The following ENPP3 variants were observed in gnomAD, a reference collection of about 807,000 sequenced individuals.
ENPP3 encodes ectonucleotide pyrophosphatase/phosphodiesterase 3, also known as ectonucleotide pyrophosphatase/phosphodiesterase family member 3.
ENPP3 carries 104 observed loss-of-function variants against 117.8 expected under a neutral mutation model. The ratio of observed to expected loss-of-function variants is 0.88; its 90% CI spans 0.75 to 1.04. The LOEUF (loss-of-function observed/expected upper bound fraction) is 1.04. Ranked by LOEUF, ENPP3 falls within the 50% of genes least tolerant of loss-of-function variation. The probability of loss-of-function intolerance (pLI) is 0.00; values close to 1 mark genes in which losing one functional copy is unlikely to be tolerated. For missense variants in ENPP3, 1,026 were observed against 1,051.9 expected (o/e 0.98, Z 0.34); for synonymous variants, 380 against 349.9 (o/e 1.09, Z -0.96).
At chr6:131,679,033 CTTTCTTTCTTTCT>C (rs1256942867) in intron 11 of ENPP3, among the ~76,000 whole-genome samples, 41 of 99,382 alleles carry the variant, frequency 4.1e-4, no homozygotes, top group Middle Eastern at 4.4e-3. Context: ...TTCCTTCTTT[CTTTCTTTCTTTCT>C]TTCTTTCTTT....
chr6:131,737,029 TC>T (rs2114569200), intron 21 of ENPP3, among the ~76,000 whole-genome samples: 1 of 152,290 alleles, frequency 6.6e-6, no homozygotes, highest in Non-Finnish European at 1.5e-5. Context: ...AAGACACTAG[TC>T]ACTGGATTTA....
intron 20 of ENPP3, among the ~76,000 whole-genome samples, chr6:131,726,895 A>G (rs1780166488): frequency 1.3e-5 from 2 of 152,210 alleles, no homozygotes; most frequent in African/African-American, 4.8e-5. Flanking sequence ...TTTCTGGTGG[A>G]TTTGTAGACC....
chr6:131,678,017 C>A (rs1207281790), intron 11 of ENPP3, 77 bp downstream of exon 11: 2 of 819,240 alleles, frequency 2.4e-6, no homozygotes, highest in Admixed American at 2.2e-5. Flanking sequence ...AGATAGTATT[C>A]TTTAACTTCT....
At chr6:131,745,352 C>G (rs544214510) in intron 24 of ENPP3, among the ~76,000 whole-genome samples, 2 of 152,034 alleles carry the variant, frequency 1.3e-5, no homozygotes, top group African/African-American at 2.4e-5. Context: ...TCTTACTCTT[C>G]CTCTGGCTCA....
intron 6 of ENPP3, among the ~76,000 whole-genome samples, chr6:131,665,714 C>G (rs1399024574): frequency 2.0e-5 from 3 of 151,922 alleles, no homozygotes; most frequent in African/African-American, 7.2e-5. Flanking sequence ...TATTGTTTCT[C>G]CATTCTCTAT....
chr6:131,722,929 G>A (rs1251042243), intron 18 of ENPP3, among the ~76,000 whole-genome samples: 1 of 152,170 alleles, frequency 6.6e-6, no homozygotes, highest in Admixed American at 6.5e-5. Context: ...GAGTTCAAGA[G>A]CAGGACTTCA....
chr6:131,678,945 CTTTCTTTCTTTCT>C lies in ENPP3; in HGVS notation c.1011+1008_1011+1020del, dbSNP rs1562446542. ...TCTTTCTTTCTTTCTTTCTTTCTTT[CTTTCTTTCTTTCT>C]TTCCTTCCTTCCTTCCTTCCTTCCT... On this transcript the variant is annotated intron_variant, in intron 11 of 24. Transcript: ENST00000357639. Among the ~76,000 whole-genome samples, 14 of 98,636 alleles carry C rather than the reference CTTTCTTTCTTTCT, an allele frequency of 1.4e-4. 1 individual carries two copies. Among genetic ancestry groups the C allele is most frequent in the Admixed American group, 6.4e-4 (6 of 9,392 alleles). 64.7% of individuals were successfully genotyped at this position (98,636 alleles called of 152,430 possible).
At chr6:131,743,019 T>G (rs1464027509) in intron 24 of ENPP3, among the ~76,000 whole-genome samples, 1 of 152,208 alleles carries the variant, frequency 6.6e-6, no homozygotes, top group Non-Finnish European at 1.5e-5. Flanking sequence ...GTATAGATAA[T>G]TATTAGACAA....
At chr6:131,646,250 C>T in intron 2 of ENPP3, among the ~76,000 whole-genome samples, 1 of 150,358 alleles carries the variant, frequency 6.7e-6, no homozygotes, top group East Asian at 1.9e-4. Context: ...AGTATCTTCT[C>T]TCTTTTCTGA....
intron 2 of ENPP3, among the ~76,000 whole-genome samples, chr6:131,644,244 T>G (rs1778112055): frequency 1.3e-5 from 2 of 152,298 alleles, no homozygotes; most frequent in African/African-American, 4.8e-5. Flanking sequence ...TCATTCTGAG[T>G]GTGACAAGAA....
chr6:131,744,800 T>C (rs940079594), intron 24 of ENPP3, among the ~76,000 whole-genome samples: 1 of 132,828 alleles, frequency 7.5e-6, no homozygotes, highest in African/African-American at 3.4e-5. Flanking sequence ...ACAGGTCATT[T>C]ATACACACAC....
At chr6:131,732,624 C>T (rs980993225) in intron 20 of ENPP3, among the ~76,000 whole-genome samples, 14 of 150,966 alleles carry the variant, frequency 9.3e-5, no homozygotes, top group Admixed American at 5.3e-4. Context: ...TGTTGAACCT[C>T]GGACTCTTGA....
rs898655809 is a variant in ENPP3, at chr6:131,733,810, C to G, written c.2089+87C>G. On this transcript the variant is annotated intron_variant, in intron 21 of 24. Coordinates refer to ENST00000357639, the MANE Select transcript of ENPP3 (RefSeq NM_005021.5). ...TGTGCCTTAAACATATACTCCCCACCAAAACTACCTGCTTGGGTAAGCTAG... is the reference window on the plus strand; with the variant it reads ...TGTGCCTTAAACATATACTCCCCACGAAAACTACCTGCTTGGGTAAGCTAG... The G allele has an allele frequency of 3.6e-6, 5 of 1,376,948 alleles. No homozygotes were observed. In the African/African-American group the frequency reaches 5.7e-5, roughly 16 times the overall value. The allele number at this position is 1,376,948 out of a possible 1,614,324, so 85.3% of individuals were successfully genotyped here.
chr6:131,725,371 G>A (rs541402519), intron 19 of ENPP3, among the ~76,000 whole-genome samples: 1 of 152,126 alleles, frequency 6.6e-6, no homozygotes, highest in Non-Finnish European at 1.5e-5. Flanking sequence ...AGCAGATTTG[G>A]TTTCTGATGA....
At chr6:131,743,627 C>T (rs963952183) in intron 24 of ENPP3, among the ~76,000 whole-genome samples, 17 of 151,760 alleles carry the variant, frequency 1.1e-4, no homozygotes, top group African/African-American at 3.4e-4. Flanking sequence ...GTCAGGAGGT[C>T]GAGACCAGCC....
chr6:131,729,164 C>G (rs1458606830), intron 20 of ENPP3, among the ~76,000 whole-genome samples: 1 of 151,960 alleles, frequency 6.6e-6, no homozygotes, highest in African/African-American at 2.4e-5. Flanking sequence ...TTTCTTGTTT[C>G]TAAAGATTAT....
chr6:131,664,757 C>T (rs1778580981), intron 6 of ENPP3, among the ~76,000 whole-genome samples: 1 of 152,162 alleles, frequency 6.6e-6, no homozygotes, highest in African/African-American at 2.4e-5. Context: ...AATAGGATAA[C>T]ATGCTGTACA....
Position 131,673,254 on chromosome 6 carries a change from C to T in ENPP3, c.643-908C>T, listed in dbSNP as rs570666939. On this transcript the variant is annotated intron_variant, in intron 7 of 24. Coordinates refer to ENST00000357639, the MANE Select transcript of ENPP3 (RefSeq NM_005021.5). Reference sequence around the variant, plus strand: ...TGTGTGGGTTCTGAATCCGTGGATTCAACTAACTGTGGATTGAAAATATTT... The same window carrying T: ...TGTGTGGGTTCTGAATCCGTGGATTTAACTAACTGTGGATTGAAAATATTT... Among the ~76,000 whole-genome samples, 7 of 152,168 alleles carry T rather than the reference C, an allele frequency of 4.6e-5. No individual in the cohort carries two copies. In the South Asian group the frequency reaches 6.2e-4, roughly 14 times the overall value.
intron 15 of ENPP3, among the ~76,000 whole-genome samples, chr6:131,697,606 G>T (rs778275555): frequency 6.6e-6 from 1 of 151,804 alleles, no homozygotes; most frequent in Non-Finnish European, 1.5e-5. Context: ...ATCTGGGGGC[G>T]ATGGGAGACA....
Sources: allele counts gnomAD v4.1 joint callset (sites outside exome capture counted in the v4.1 genomes callset), GRCh38; gene constraint gnomAD v4.1.1; transcripts MANE v1.5; gene names NCBI Gene and HGNC (gene_info 2026-07-23, HGNC 2026-07-21).